HERC2: variants seen among roughly 807,000 people sequenced by gnomAD.
The protein encoded by HERC2 is E3 ubiquitin-protein ligase HERC2.
In HERC2, 102 loss-of-function variants were observed where a neutral mutation model predicts 537.7. The observed-to-expected ratio is 0.19, with a 90% CI of 0.16 to 0.22. HERC2 has a LOEUF of 0.22. HERC2 is among the 10% of genes least tolerant of loss of function. HERC2 has a pLI of 1.00. For missense variants in HERC2, 4,236 were observed against 6,198.2 expected, an observed-to-expected ratio of 0.68 and a Z score of 10.63; for synonymous variants, 2,224 against 2,466.2, an observed-to-expected ratio of 0.90 and a Z score of 2.91.
chr15:28,175,924 GAC>G (rs1895246414), intron 63 of HERC2, among the ~76,000 whole-genome samples: 1 of 152,126 alleles, frequency 6.6e-6, no homozygotes, highest in Non-Finnish European at 1.5e-5. Flanking sequence ...CTGAAAATAA[GAC>G]ACACTACTGC....
chr15:28,158,689 C>G (rs1030161828), intron 69 of HERC2, among the ~76,000 whole-genome samples: 1 of 152,224 alleles, frequency 6.6e-6, no homozygotes, highest in African/African-American at 2.4e-5. Context: ...ACTCTTTATC[C>G]AATTTGCCAG....
At chr15:28,179,987 T>C (rs1596142944) in intron 57 of HERC2, among the ~76,000 whole-genome samples, 1 of 152,224 alleles carries the variant, frequency 6.6e-6, no homozygotes, top group Non-Finnish European at 1.5e-5. Flanking sequence ...ATATTTTGCA[T>C]AGAGTCACCT....
chr15:28,121,477 T>A (rs1319529041), intron 85 of HERC2, 48 bp from the exon 86 acceptor site: 17 of 1,416,806 alleles, frequency 1.2e-5, no homozygotes, highest in Non-Finnish European at 1.7e-5. Context: ...ATGGAAAGCA[T>A]CACTCCTGAA....
At chr15:28,270,575 C>T (rs1379832466) in intron 10 of HERC2, 120 bp downstream of exon 10, 1 of 969,838 alleles carries the variant, frequency 1.0e-6, no homozygotes, top group African/African-American at 1.6e-5. Context: ...GTTTAAAAAC[C>T]ACAGGCCAGC....
chr15:28,194,989 T>A (rs1435690531), intron 52 of HERC2, among the ~76,000 whole-genome samples: 1 of 147,662 alleles, frequency 6.8e-6, no homozygotes, highest in Non-Finnish European at 1.5e-5. Context: ...CCGGGAGGTG[T>A]CAGTTACAGT....
In HERC2 at chr15:28,179,217, C is replaced by T. The variant is rs137879939; in HGVS notation, c.8944G>A (p.Val2982Ile). The T allele has an allele frequency of 8.8e-6, 14 of 1,599,606 alleles. No homozygotes were observed. The highest frequency in any genetic ancestry group is 2.7e-5 in the African/African-American group (2 of 73,752). The change falls in exon 58 of 93, where the codon GTT becomes ATT. Residue 2982 changes from valine (V) to isoleucine (I), a missense_variant. Physicochemically the swap from Val to Ile is conservative, Grantham distance 29. This residue lies in a region of HERC2 where 606 missense variants were observed against 884.5 expected (regional missense o/e 0.69). Transcript: ENST00000261609. ...GACAGTGTCTCAGAGAACGAAGGAACCTTTATCTACAACAGAATTTTTTTA... is the reference window on the plus strand; with the variant it reads ...GACAGTGTCTCAGAGAACGAAGGAATCTTTATCTACAACAGAATTTTTTTA... ...LGGLKGSKIKVPSFSETLSAL... is the reference protein window; with the variant it reads ...LGGLKGSKIKIPSFSETLSAL...
Position 28,152,873 on chromosome 15 carries a change from C to T in HERC2, c.10747-43G>A, listed in dbSNP as rs372048055. 2.1e-4 allele frequency: 325 copies of T among 1,538,780 alleles called. 1 individual carries two copies. Among genetic ancestry groups the T allele is most frequent in the Middle Eastern group, 1.7e-3 (8 of 4,588 alleles). On this transcript the variant is annotated intron_variant, in intron 69 of 92. Transcript: ENST00000261609. ...ACATGAATGAGGGGGCCAACAGCCC[C>T]ACACCTGGTCACCTGCATGCCACCT...
chr15:28,223,036 T>G (rs562416157), intron 35 of HERC2, among the ~76,000 whole-genome samples: 2 of 152,034 alleles, frequency 1.3e-5, no homozygotes, highest in Non-Finnish European at 2.9e-5. Context: ...AGCCCTGAGT[T>G]CAACTACATG....
chr15:28,272,393 G>A lies in HERC2; in HGVS notation c.912-7C>T, dbSNP rs80340439. ...GATGGCAGACAACATTTGGCTAAAG[G>A]AGAAAAGATATTTATTCTAGTAAAA... On this transcript the variant is annotated splice_polypyrimidine_tract_variant and splice_region_variant and intron_variant, in intron 8 of 92. Coordinates refer to ENST00000261609, the MANE Select transcript of HERC2 (RefSeq NM_004667.6). 3 of 1,608,664 alleles carry A rather than the reference G, an allele frequency of 1.9e-6. No individual in the cohort carries two copies. The highest frequency in any genetic ancestry group is 2.2e-5 in the East Asian group (1 of 44,764).
chr15:28,209,505 A>G (rs1173422924), intron 44 of HERC2, among the ~76,000 whole-genome samples: 6 of 151,790 alleles, frequency 4.0e-5, no homozygotes, highest in East Asian at 1.9e-4. Flanking sequence ...CACCACGCCC[A>G]GCTAATTTTT....
At chr15:28,203,823 AGCCTGC>A (rs1281870970) in intron 45 of HERC2, 14 of 151,906 alleles carry the variant, frequency 9.2e-5, no homozygotes, top group East Asian at 1.9e-4. Context: ...ACCACTGAAG[AGCCTGC>A]GCTCGGCACA....
At chr15:28,277,100 AT>A (rs1031736097) in intron 5 of HERC2, among the ~76,000 whole-genome samples, 2 of 152,186 alleles carry the variant, frequency 1.3e-5, no homozygotes, top group African/African-American at 4.8e-5. Context: ...AATAACAATA[AT>A]AAAAAATTTA....
In HERC2 at chr15:28,255,896, G is replaced by A. The variant is rs141958604; in HGVS notation, c.2847C>T (p.His949=). 1.2e-4 allele frequency: 195 copies of A among 1,601,242 alleles called. No homozygotes were observed. Among genetic ancestry groups the A allele is most frequent in the African/African-American group, 9.2e-4 (69 of 75,006 alleles). ...MADGGLESAL[H]AAITAEIQDI... ...CCTGGATCTCTGCAGTAATGGCTGCGTGTAAGGCTGACTCCAACCCTCCAT... is the reference window on the plus strand; with the variant it reads ...CCTGGATCTCTGCAGTAATGGCTGCATGTAAGGCTGACTCCAACCCTCCAT... Residue 949 remains histidine (H), a synonymous_variant, in exon 19 of 93, where the codon CAC becomes CAT. Transcript: ENST00000261609.
At chr15:28,223,339 A>G (rs1596272009) in intron 35 of HERC2, among the ~76,000 whole-genome samples, 1 of 152,244 alleles carries the variant, frequency 6.6e-6, no homozygotes, top group Non-Finnish European at 1.5e-5. Flanking sequence ...GGTGGGCGGG[A>G]AAAAGACCCA....
intron 4 of HERC2, among the ~76,000 whole-genome samples, chr15:28,281,941 G>A (rs1273063576): frequency 2.0e-5 from 3 of 152,136 alleles, no homozygotes; most frequent in Non-Finnish European, 4.4e-5. Context: ...AGCTCCAAGA[G>A]GGCAGCTCTG....
At chr15:28,165,165 G>C (rs1893999148) in intron 68 of HERC2, among the ~76,000 whole-genome samples, 1 of 152,186 alleles carries the variant, frequency 6.6e-6, no homozygotes, top group African/African-American at 2.4e-5. Flanking sequence ...CCACACTCTG[G>C]GTCAACATGG....
intron 2 of HERC2, among the ~76,000 whole-genome samples, chr15:28,308,163 T>C (rs1197232211): frequency 6.6e-6 from 1 of 152,238 alleles, no homozygotes; most frequent in Non-Finnish European, 1.5e-5. Flanking sequence ...ATTTTAACAA[T>C]ATTGATTCTT....
intron 83 of HERC2, among the ~76,000 whole-genome samples, chr15:28,125,691 G>A (rs1733577503): frequency 6.7e-6 from 1 of 149,780 alleles, no homozygotes. Context: ...TTTTTTTTTT[G>A]AGACAGGGTC....
At position 28,176,803 on chromosome 15, in the gene HERC2, A is replaced by C. The variant is rs369702521; in HGVS notation, c.9433-35T>G. The C allele has an allele frequency of 6.2e-7, 1 of 1,602,462 alleles. No individual in the cohort carries two copies. The highest frequency in any genetic ancestry group is 1.1e-5 in the South Asian group (1 of 90,826). On this transcript the variant is annotated intron_variant, in intron 61 of 92. Transcript: ENST00000261609. The surrounding 1 kb of genome is among the most constrained non-coding windows in gnomAD (Gnocchi z 5.0). Reference sequence around the variant, plus strand: ...TACAAATTTAAAAACAGAATCACGCACAGGCACGGAGAAAGCAATGGATTT... The same window carrying C: ...TACAAATTTAAAAACAGAATCACGCCCAGGCACGGAGAAAGCAATGGATTT...
Sources: allele counts gnomAD v4.1 joint callset (sites outside exome capture counted in the v4.1 genomes callset), GRCh38; gene constraint gnomAD v4.1.1; regional missense constraint gnomAD v4.1.1; non-coding constraint Gnocchi (gnomAD v3.1); transcripts MANE v1.5; gene names NCBI Gene and HGNC (gene_info 2026-07-23, HGNC 2026-07-21).